The following MAMDC2 variants were observed in gnomAD, a reference collection of about 807,000 sequenced individuals.
MAMDC2 encodes MAM domain-containing protein 2.
In MAMDC2, 57 loss-of-function variants were observed where a neutral mutation model predicts 89.8. That is an observed-to-expected ratio of 0.63 (90% CI 0.51 to 0.79). MAMDC2 has a LOEUF of 0.79. Among genes scored for constraint, MAMDC2 ranks in the 30% least tolerant of loss-of-function variants. The pLI, the probability that MAMDC2 is intolerant of heterozygous loss-of-function variation, is 0.00. For missense variants in MAMDC2, 800 were observed against 820.6 expected (o/e 0.97, Z 0.31); for synonymous variants, 313 against 293.4 (o/e 1.07, Z -0.68).
intron 11 of MAMDC2, among the ~76,000 whole-genome samples, chr9:70,193,608 T>C (rs904433396): frequency 8.3e-5 from 2 of 24,216 alleles, no homozygotes; most frequent in Admixed American, 6.4e-4. Context: ...CTCCTTTTCA[T>C]ATATAAGGCA....
At chr9:70,107,123 T>A (rs960862624) in intron 2 of MAMDC2, among the ~76,000 whole-genome samples, 2 of 149,130 alleles carry the variant, frequency 1.3e-5, no homozygotes, top group Admixed American at 1.3e-4. Context: ...CGAGAAAGCA[T>A]GAGAATCTGC....
chr9:70,211,565 G>A (rs2033354500), intron 11 of MAMDC2, among the ~76,000 whole-genome samples: 2 of 152,088 alleles, frequency 1.3e-5, no homozygotes, highest in Non-Finnish European at 2.9e-5. Context: ...TTTGTGATGG[G>A]TTCAAACATC....
chr9:70,133,007 A>G (rs2030866928), intron 7 of MAMDC2, among the ~76,000 whole-genome samples: 1 of 152,228 alleles, frequency 6.6e-6, no homozygotes, highest in Admixed American at 6.5e-5. Flanking sequence ...AGATTAAAAG[A>G]GTCTCTAAAT....
chr9:70,140,677 G>A (rs534291159), intron 8 of MAMDC2, among the ~76,000 whole-genome samples: 1 of 152,298 alleles, frequency 6.6e-6, no homozygotes, highest in Non-Finnish European at 1.5e-5. Flanking sequence ...TAAGTATGGG[G>A]TTGCCTTTGG....
At chr9:70,190,158 T>A (rs768606767) in intron 11 of MAMDC2, among the ~76,000 whole-genome samples, 1 of 152,154 alleles carries the variant, frequency 6.6e-6, no homozygotes, top group Non-Finnish European at 1.5e-5. Flanking sequence ...TCTTTGTGTG[T>A]CTCATAATTT....
intron 2 of MAMDC2, chr9:70,094,038 C>A (rs1023648849): frequency 9.2e-5 from 14 of 152,170 alleles, no homozygotes; most frequent in African/African-American, 3.4e-4. Flanking sequence ...TATGACAGAC[C>A]CTATGACAAA....
At chr9:70,221,356 A>AATATATACATATATATATATATATATAT (rs2033551530) in intron 12 of MAMDC2, among the ~76,000 whole-genome samples, 1 of 9,422 alleles carries the variant, frequency 1.1e-4, no homozygotes, top group African/African-American at 3.0e-4. Context: ...CCAAACAACA[A>AATATATACATATATATATATATATATAT]ATATATATAT....
intron 11 of MAMDC2, among the ~76,000 whole-genome samples, chr9:70,212,365 T>G (rs2033371599): frequency 6.6e-6 from 1 of 152,198 alleles, no homozygotes. Flanking sequence ...TGCCTTGCAG[T>G]TCAATCTCAG....
At chr9:70,087,992 T>C (rs2118163078) in intron 2 of MAMDC2, among the ~76,000 whole-genome samples, 1 of 152,264 alleles carries the variant, frequency 6.6e-6, no homozygotes, top group South Asian at 2.1e-4. Context: ...TAAACATATC[T>C]AAATTTTTGG....
intron 9 of MAMDC2, among the ~76,000 whole-genome samples, chr9:70,163,958 A>C (rs1177563313): frequency 6.6e-6 from 1 of 151,600 alleles, no homozygotes; most frequent in African/African-American, 2.4e-5. Flanking sequence ...GTCTCAAAAA[A>C]AAAAAAAAAA....
intron 2 of MAMDC2, among the ~76,000 whole-genome samples, chr9:70,095,655 C>G (rs1828012142): frequency 6.6e-6 from 1 of 152,132 alleles, no homozygotes; most frequent in Admixed American, 6.5e-5. Flanking sequence ...ATACATGAGT[C>G]TGGAAGTGAT....
Position 70,170,614 on chromosome 9 carries a change from A to AG in MAMDC2, c.1634_1635insG (p.Asp545GlufsTer13), listed in dbSNP as rs771243766. ...ACTTCCTACACAGGACCAAAGGGAGATCACACTACTGGGGTAGGTGAGTTA... is the reference window on the plus strand; with the variant it reads ...ACTTCCTACACAGGACCAAAGGGAGAGTCACACTACTGGGGTAGGTGAGTTA... On this transcript the variant is annotated frameshift_variant, in exon 11 of 14. Coordinates refer to ENST00000377182, the MANE Select transcript of MAMDC2 (RefSeq NM_153267.5). LOFTEE classifies it high-confidence loss of function. The AG allele has an allele frequency of 6.2e-7, 1 of 1,607,792 alleles. No homozygotes were observed. The highest frequency in any genetic ancestry group is 1.1e-5 in the South Asian group (1 of 90,108).
chr9:70,124,477 G>C (rs1213970284), intron 5 of MAMDC2, among the ~76,000 whole-genome samples: 1 of 152,102 alleles, frequency 6.6e-6, no homozygotes, highest in Non-Finnish European at 1.5e-5. Flanking sequence ...TGAACAACTT[G>C]CCACCAGGAG....
chr9:70,201,325 C>A (rs2033095835), intron 11 of MAMDC2, among the ~76,000 whole-genome samples: 1 of 3,880 alleles, frequency 2.6e-4, no homozygotes, highest in Non-Finnish European at 3.9e-4. Context: ...TGGTTTTTGT[C>A]TTTGGCTCTG....
chr9:70,210,013 T>C (rs1364890748), intron 11 of MAMDC2, among the ~76,000 whole-genome samples: 4 of 152,234 alleles, frequency 2.6e-5, no homozygotes, highest in Non-Finnish European at 5.9e-5. Context: ...TTTGTTATAA[T>C]TTCTGTTCTT....
At chr9:70,217,354 C>T (rs2118685131) in intron 11 of MAMDC2, 11 of 1,367,348 alleles carry the variant, frequency 8.0e-6, no homozygotes, top group Middle Eastern at 2.0e-4. Context: ...CTGGACTGTC[C>T]TCCACAGAAG....
chr9:70,077,770 A>G (rs1339499029), intron 2 of MAMDC2, among the ~76,000 whole-genome samples: 1 of 152,114 alleles, frequency 6.6e-6, no homozygotes, highest in Non-Finnish European at 1.5e-5. Flanking sequence ...GGACTTTCTT[A>G]TTGGTTTTCA....
intron 2 of MAMDC2, chr9:70,092,134 A>C (rs1199735705): frequency 6.6e-6 from 1 of 152,230 alleles, no homozygotes; most frequent in East Asian, 1.9e-4. Flanking sequence ...AAATAGACAA[A>C]AACCTGCCAT....
intron 11 of MAMDC2, among the ~76,000 whole-genome samples, chr9:70,216,979 A>T (rs1347024010): frequency 6.6e-6 from 1 of 152,180 alleles, no homozygotes. Flanking sequence ...TGGAGCTCGG[A>T]CAGAATGCAT....
Sources: allele counts gnomAD v4.1 joint callset (sites outside exome capture counted in the v4.1 genomes callset), GRCh38; gene constraint gnomAD v4.1.1; transcripts MANE v1.5; gene names NCBI Gene and HGNC (gene_info 2026-07-23, HGNC 2026-07-21).